Variants in TSPEAR observed in about 807,000 individuals in gnomAD.
TSPEAR encodes the protein thrombospondin type laminin G domain and EAR repeats.
TSPEAR carries 69 observed loss-of-function variants against 71.6 expected under a neutral mutation model. The ratio of observed to expected loss-of-function variants is 0.96; its 90% CI spans 0.79 to 1.18. TSPEAR has a LOEUF of 1.18. Among genes scored for constraint, TSPEAR ranks in the 50% most tolerant of loss-of-function variants. The pLI is 0.00. For synonymous variants in TSPEAR, 402 were observed against 387.2 expected, an observed-to-expected ratio of 1.04 and a Z score of -0.45; for missense variants, 971 against 894.9, an observed-to-expected ratio of 1.09 and a Z score of -1.09.
chr21:44,630,967 G>A (rs1983220962), intron 1 of TSPEAR, among the ~76,000 whole-genome samples: 1 of 152,090 alleles, frequency 6.6e-6, no homozygotes, highest in African/African-American at 2.4e-5. Context: ...AGGGAAGAGG[G>A]AGAATGTGCC....
chr21:44,585,133 A>G (rs1337923145), intron 1 of TSPEAR, among the ~76,000 whole-genome samples: 2 of 152,150 alleles, frequency 1.3e-5, no homozygotes, highest in African/African-American at 4.8e-5. Flanking sequence ...TTGTTGAGTA[A>G]AAGTTTCAGA....
intron 1 of TSPEAR, among the ~76,000 whole-genome samples, chr21:44,634,204 G>A (rs1045738901): frequency 6.6e-6 from 1 of 152,162 alleles, no homozygotes; most frequent in Non-Finnish European, 1.5e-5. Flanking sequence ...AGTTATGATT[G>A]TGCCACTGCA....
chr21:44,517,764 C>T (rs2052625036), intron 9 of TSPEAR: 3 of 471,098 alleles, frequency 6.4e-6, no homozygotes, highest in African/African-American at 2.0e-5. Context: ...AACACTGAGC[C>T]CTCCTACCTC....
At chr21:44,583,007 T>TTC (rs1979103332) in intron 1 of TSPEAR, among the ~76,000 whole-genome samples, 1 of 151,876 alleles carries the variant, frequency 6.6e-6, no homozygotes, top group Non-Finnish European at 1.5e-5. Context: ...TCTTTCTTTT[T>TTC]TTTTTTGTAT....
At chr21:44,513,707 C>CAGCT (rs1330983913) in intron 9 of TSPEAR, among the ~76,000 whole-genome samples, 1 of 152,184 alleles carries the variant, frequency 6.6e-6, no homozygotes, top group Non-Finnish European at 1.5e-5. Flanking sequence ...CAAAGAGGCC[C>CAGCT]TTGGGTTCCG....
intron 1 of TSPEAR, among the ~76,000 whole-genome samples, chr21:44,586,021 T>A (rs1217159427): frequency 6.6e-6 from 1 of 152,242 alleles, no homozygotes; most frequent in Non-Finnish European, 1.5e-5. Context: ...TTGGTTCATT[T>A]TGGCATCCAG....
chr21:44,576,502 C>T (rs587726879), intron 1 of TSPEAR, among the ~76,000 whole-genome samples: 1 of 148,556 alleles, frequency 6.7e-6, no homozygotes, highest in Admixed American at 6.7e-5. Flanking sequence ...CATGGATGTC[C>T]CAGGGTGGGT....
At chr21:44,529,591 A>T (rs1163640171) in intron 5 of TSPEAR, among the ~76,000 whole-genome samples, 1 of 152,132 alleles carries the variant, frequency 6.6e-6, no homozygotes, top group Non-Finnish European at 1.5e-5. Context: ...GCAGGATGAC[A>T]CTGGCCTGTC....
At chr21:44,596,084 A>G (rs898261844) in intron 1 of TSPEAR, among the ~76,000 whole-genome samples, 38 of 152,180 alleles carry the variant, frequency 2.5e-4, no homozygotes, top group African/African-American at 8.2e-4. Context: ...GGAAGGTTCA[A>G]TTGGAGAAGG....
chr21:44,582,810 TTCTC>T (rs1979076654), intron 1 of TSPEAR, among the ~76,000 whole-genome samples: 1 of 146,042 alleles, frequency 6.8e-6, no homozygotes, highest in South Asian at 2.2e-4. Context: ...CTCTCTTTCT[TTCTC>T]TTTCTTTCTT....
rs1979923862 is a variant in TSPEAR at position 44,591,917 on chromosome 21, C to T, written c.83-23912G>A. The stretch of plus-strand genomic sequence containing the variant: ...GATTGGCAGGGGCTGGGCTCACAGA[C>T]CGCCTGGCAGCAGGGGCTGGACACA... On this transcript the variant is annotated intron_variant, in intron 1 of 11. Coordinates refer to ENST00000323084, the MANE Select transcript of TSPEAR (RefSeq NM_144991.3). The T allele has an allele frequency of 1.9e-6, 3 of 1,599,068 alleles. No homozygotes were observed. The African/African-American group carries it at 4.3e-5, about 23-fold the overall frequency.
intron 3 of TSPEAR, 41 bp downstream of exon 3, chr21:44,533,644 T>C (rs1407519772): frequency 6.5e-7 from 1 of 1,529,090 alleles, no homozygotes; most frequent in African/African-American, 1.4e-5. Context: ...CTGGCAGGAC[T>C]CTGAGGACTG....
At chr21:44,581,944 A>T (rs1486359043) in intron 1 of TSPEAR, among the ~76,000 whole-genome samples, 3 of 152,192 alleles carry the variant, frequency 2.0e-5, no homozygotes, top group Admixed American at 6.5e-5. Flanking sequence ...CTTTTCTACA[A>T]ATATATAAAG....
chr21:44,601,078 C>A lies in TSPEAR; in HGVS notation c.83-33073G>T, dbSNP rs1218386982. ...TTGCTGCACCTCCTCCCCCTGCCAG[C>A]AGGCCTGCTGTGTGCCCATCTGCTG... On this transcript the variant is annotated intron_variant, in intron 1 of 11. Transcript: ENST00000323084. 3.1e-6 allele frequency: 5 copies of A among 1,610,026 alleles called. No homozygotes were observed. The African/African-American group carries it at 6.8e-5, about 22-fold the overall frequency.
At position 44,711,017 on chromosome 21, in the gene TSPEAR, A is replaced by T. The variant is rs1988191790; in HGVS notation, c.82+416T>A. ...TGTGGCCCTTCGCTTTGCTGAGTGC[A>T]GGCTGGGGGCACCTCCACCAGCTAA... On this transcript the variant is annotated intron_variant, in intron 1 of 11. Coordinates refer to ENST00000323084, the MANE Select transcript of TSPEAR (RefSeq NM_144991.3). This position sits in a 1 kb window ranked among gnomAD's most constrained non-coding sequence, Gnocchi z 4.5. 6.6e-6 allele frequency among the ~76,000 whole-genome samples: 1 copy of T among 152,182 alleles called. No homozygotes were observed. Among genetic ancestry groups the T allele is most frequent in the South Asian group, 2.1e-4 (1 of 4,826 alleles).
At chr21:44,553,858 T>C (rs1265436140) in intron 2 of TSPEAR, among the ~76,000 whole-genome samples, 5 of 152,218 alleles carry the variant, frequency 3.3e-5, no homozygotes, top group Non-Finnish European at 1.5e-5. Flanking sequence ...AACCAGGGTA[T>C]GGCAATATCC....
chr21:44,583,275 C>T lies in TSPEAR; in HGVS notation c.83-15270G>A, dbSNP rs115419359. The stretch of plus-strand genomic sequence containing the variant: ...TGAGTCTGGAGGGCAGGGTGGCCCA[C>T]GGCCGTGTCTTCTGCAAGTGACACA... On this transcript the variant is annotated intron_variant, in intron 1 of 11. Transcript: ENST00000323084. 8.7e-3 allele frequency among the ~76,000 whole-genome samples: 1,326 copies of T among 152,338 alleles called. 21 individuals carry two copies. Among genetic ancestry groups the T allele is most frequent in the African/African-American group, 0.029 (1,200 of 41,572 alleles).
intron 1 of TSPEAR, among the ~76,000 whole-genome samples, chr21:44,638,950 C>T (rs1436479256): frequency 6.6e-6 from 1 of 152,030 alleles, no homozygotes; most frequent in Non-Finnish European, 1.5e-5. Context: ...GCCCTCATCT[C>T]CTCCACAGTA....
intron 1 of TSPEAR, among the ~76,000 whole-genome samples, chr21:44,616,105 G>A (rs1982075974): frequency 6.6e-6 from 1 of 152,058 alleles, no homozygotes; most frequent in African/African-American, 2.4e-5. Flanking sequence ...CGTGTCGGCG[G>A]GCACCTCCCA....
Sources: gnomAD v4.1 joint callset for allele counts (sites outside exome capture counted in the v4.1 genomes callset) on GRCh38, gnomAD v4.1.1 for gene constraint, Gnocchi (gnomAD v3.1) non-coding constraint, MANE v1.5 for transcripts, NCBI Gene and HGNC (gene_info 2026-07-23, HGNC 2026-07-21) for gene names.